AASS: variants seen among roughly 807,000 people sequenced by gnomAD.
AASS encodes the protein alpha-aminoadipic semialdehyde synthase, mitochondrial.
In AASS, 86 loss-of-function variants were observed where a neutral mutation model predicts 105.4. That is an observed-to-expected ratio of 0.82 (90% CI 0.69 to 0.98). AASS has a LOEUF of 0.98. AASS is among the 50% of genes least tolerant of loss of function. The pLI is 0.00. For synonymous variants in AASS, 381 were observed against 394.8 expected, an observed-to-expected ratio of 0.96 and a Z score of 0.41; for missense variants, 1,048 against 1,143.2, an observed-to-expected ratio of 0.92 and a Z score of 1.20.
intron 1 of AASS, among the ~76,000 whole-genome samples, chr7:122,134,403 T>G (rs1484095051): frequency 2.0e-5 from 3 of 152,192 alleles, no homozygotes; most frequent in Non-Finnish European, 4.4e-5. Context: ...GAAGTCTCAC[T>G]CTGTCAATGC....
chr7:122,105,799 C>A (rs1346492125), intron 11 of AASS, among the ~76,000 whole-genome samples: 1 of 151,850 alleles, frequency 6.6e-6, no homozygotes, highest in Non-Finnish European at 1.5e-5. Flanking sequence ...TCAGATAACC[C>A]AATGTTGCAC....
At chr7:122,101,107 C>A (rs1447180308) in intron 13 of AASS, among the ~76,000 whole-genome samples, 1 of 151,778 alleles carries the variant, frequency 6.6e-6, no homozygotes, top group Non-Finnish European at 1.5e-5. Flanking sequence ...GAAGGACAAT[C>A]CTTTTGGATT....
At chr7:122,079,325 C>T in intron 21 of AASS, 1 of 1,360,166 alleles carries the variant, frequency 7.4e-7, no homozygotes. Context: ...TACTCCAAAT[C>T]TCCTACAGGA....
In AASS at chr7:122,133,679, G is replaced by A. The variant is rs754459200; in HGVS notation, c.48C>T (p.Leu16=). Reference sequence around the variant, plus strand: ...CAGCTTTGTGGTGAAGACCCTTGGAGAGGCTGACCCCCAGCCTGCCCAGTC... The same window carrying A: ...CAGCTTTGTGGTGAAGACCCTTGGAAAGGCTGACCCCCAGCCTGCCCAGTC... The part of the protein sequence containing the change: ...RTGLGRLGVS[L]SKGLHHKAVL... Residue 16 remains leucine (L), a synonymous_variant, in exon 2 of 24, where the codon CTC becomes CTT. Coordinates refer to ENST00000417368, the MANE Select transcript of AASS (RefSeq NM_005763.4). 4 of 1,614,052 alleles carry A rather than the reference G, an allele frequency of 2.5e-6. No homozygotes were observed. Among genetic ancestry groups the A allele is most frequent in the Admixed American group, 1.7e-5 (1 of 60,006 alleles).
At chr7:122,081,041 C>A (rs1185834201) in intron 20 of AASS, among the ~76,000 whole-genome samples, 1 of 152,150 alleles carries the variant, frequency 6.6e-6, no homozygotes, top group Non-Finnish European at 1.5e-5. Flanking sequence ...GACGCATAAG[C>A]TCGGTAACTG....
chr7:122,121,248 C>T (rs989254765), intron 4 of AASS, among the ~76,000 whole-genome samples: 9 of 151,938 alleles, frequency 5.9e-5, no homozygotes, highest in East Asian at 1.9e-4. Context: ...ATACTACTTC[C>T]GGTATAATAA....
Position 122,129,403 on chromosome 7 carries a change from A to T in AASS, c.345T>A (p.Ala115=). Residue 115 remains alanine, a synonymous_variant, in exon 3 of 24, where the codon GCT becomes GCA. Transcript: ENST00000417368. ...TYAFFSHTIK[A]QEANMGLLDE... ...CCAACAAGCCCATATTGGCCTCCTGAGCTTTTATTGTGTGGGAGAAAAATG... is the reference window on the plus strand; with the variant it reads ...CCAACAAGCCCATATTGGCCTCCTGTGCTTTTATTGTGTGGGAGAAAAATG... The T allele has an allele frequency of 6.2e-7, 1 of 1,612,572 alleles. No individual in the cohort carries two copies. Among genetic ancestry groups the T allele is most frequent in the South Asian group, 1.1e-5 (1 of 90,832 alleles).
intron 11 of AASS, among the ~76,000 whole-genome samples, chr7:122,112,775 C>T (rs942950918): frequency 5.9e-5 from 9 of 152,026 alleles, no homozygotes; most frequent in South Asian, 2.1e-4. Context: ...CTGGTTATTA[C>T]GGCACAATAA....
At chr7:122,079,254 T>C in intron 21 of AASS, 1 of 1,357,242 alleles carries the variant, frequency 7.4e-7, no homozygotes, top group Non-Finnish European at 9.5e-7. Context: ...CAACATTAGG[T>C]ATACCAGCAG....
At chr7:122,091,062 C>T (rs1295190287) in intron 18 of AASS, among the ~76,000 whole-genome samples, 1 of 152,080 alleles carries the variant, frequency 6.6e-6, no homozygotes, top group Admixed American at 6.6e-5. Flanking sequence ...TCTGTCTTTC[C>T]AGCCATTAGG....
intron 11 of AASS, among the ~76,000 whole-genome samples, chr7:122,105,101 AAACTT>A (rs974545625): frequency 1.1e-4 from 17 of 152,126 alleles, no homozygotes; most frequent in African/African-American, 4.1e-4. Context: ...TAGATAGAAA[AAACTT>A]AACACAAAAA....
chr7:122,135,584 C>T (rs562308536), intron 1 of AASS, among the ~76,000 whole-genome samples: 8 of 152,258 alleles, frequency 5.3e-5, no homozygotes, highest in East Asian at 3.9e-4. Flanking sequence ...ATGAATGTAA[C>T]GGGCTTCTCT....
At chr7:122,133,857 A>G in intron 1 of AASS, 116 bp from the exon 2 acceptor site, 1 of 902,358 alleles carries the variant, frequency 1.1e-6, no homozygotes. Context: ...AACAGACACA[A>G]GGTAGAGAAG....
chr7:122,088,693 A>G (rs1004639972), intron 18 of AASS, among the ~76,000 whole-genome samples: 7 of 152,056 alleles, frequency 4.6e-5, no homozygotes, highest in Non-Finnish European at 1.0e-4. Context: ...CAGGCAATGG[A>G]TAGAGGGCTA....
chr7:122,098,714 T>C, intron 14 of AASS, 31 bp downstream of exon 14: 1 of 1,602,396 alleles, frequency 6.2e-7, no homozygotes, highest in South Asian at 1.1e-5. Context: ...TAAAATACAT[T>C]TTTCTTCTTC....
chr7:122,128,340 C>A (rs757479038), intron 3 of AASS, among the ~76,000 whole-genome samples: 3 of 152,190 alleles, frequency 2.0e-5, no homozygotes, highest in Non-Finnish European at 2.9e-5. Flanking sequence ...TCTAACCCCA[C>A]ACTCAATCTC....
At chr7:122,142,739 T>C (rs1308706820) in intron 1 of AASS, among the ~76,000 whole-genome samples, 1 of 152,176 alleles carries the variant, frequency 6.6e-6, no homozygotes, top group Non-Finnish European at 1.5e-5. Flanking sequence ...CCACTGTTTG[T>C]AATGTTATTT....
chr7:122,113,138 A>G lies in AASS; in HGVS notation c.1258T>C (p.Tyr420His). 6.2e-7 allele frequency: 1 copy of G among 1,613,906 alleles called. No individual in the cohort carries two copies. Among genetic ancestry groups the G allele is most frequent in the Non-Finnish European group, 8.5e-7 (1 of 1,179,794 alleles). The change falls in exon 11 of 24, where the codon TAC becomes CAC. Residue 420 changes from tyrosine (Y) to histidine (H), a missense_variant. Tyr to His is a moderately conservative substitution (Grantham distance 83). Transcript: ENST00000417368. ...EATECFGDML[Y>H]PYVEEMILSD... ...CTTACCATTTCTTCAACATAAGGGTAAAGCATGTCTCCAAAGCATTCTGTA... is the reference window on the plus strand; with the variant it reads ...CTTACCATTTCTTCAACATAAGGGTGAAGCATGTCTCCAAAGCATTCTGTA...
intron 3 of AASS, among the ~76,000 whole-genome samples, chr7:122,127,865 G>A (rs1468523024): frequency 1.3e-5 from 2 of 152,022 alleles, no homozygotes; most frequent in East Asian, 3.9e-4. Flanking sequence ...TGTATGTCAG[G>A]AGAAGCCGCC....
Sources: gnomAD v4.1 joint callset for allele counts (sites outside exome capture counted in the v4.1 genomes callset) on GRCh38, gnomAD v4.1.1 for gene constraint, MANE v1.5 for transcripts, NCBI Gene and HGNC (gene_info 2026-07-23, HGNC 2026-07-21) for gene names.